MICALL2: variants seen among roughly 807,000 people sequenced by gnomAD.
MICALL2 encodes the protein MICAL like 2.
MICALL2 carries 111 observed loss-of-function variants against 91.1 expected under a neutral mutation model. That is an observed-to-expected ratio of 1.22 (90% CI 1.04 to 1.43). The LOEUF (loss-of-function observed/expected upper bound fraction) is 1.43. MICALL2 is among the 40% of genes most tolerant of loss of function. MICALL2 has a pLI of 0.00. For missense variants in MICALL2, 1,556 were observed against 1,236.0 expected (o/e 1.26, Z -3.88); for synonymous variants, 694 against 525.3 (o/e 1.32, Z -4.39).
chr7:1,434,837 C>T (rs1047338132), intron 16 of MICALL2, 165 bp from the exon 17 acceptor site: 1 of 785,400 alleles, frequency 1.3e-6, no homozygotes, highest in Non-Finnish European at 2.0e-6. Context: ...GAGAACCTGC[C>T]CCGACTGGGT....
Position 1,438,667 on chromosome 7 carries a change from G to A in MICALL2, c.2122+173C>T, listed in dbSNP as rs562614573. On this transcript the variant is annotated intron_variant, in intron 10 of 16. Coordinates refer to ENST00000297508, the MANE Select transcript of MICALL2 (RefSeq NM_182924.4). ...TAACAAGGTACTCTGAAACAGCTAG[G>A]GTCTCTATTCATGAGGGCGGGCCTG... 8.6e-5 allele frequency: 124 copies of A among 1,437,616 alleles called. 1 individual carries two copies. In the African/African-American group the frequency reaches 1.1e-3, roughly 13 times the overall value. The allele number at this position is 1,437,616 out of a possible 1,614,324, so 89.1% of individuals were successfully genotyped here.
At chr7:1,436,882 G>GC (rs762083026) in intron 14 of MICALL2, 26 bp from the exon 15 acceptor site, 1,334 of 1,491,842 alleles carry the variant, frequency 8.9e-4, no homozygotes, top group East Asian at 1.6e-3. Flanking sequence ...GTCAGCAGGA[G>GC]CCCCCCCCAC....
chr7:1,449,831 T>C (rs180764889), intron 2 of MICALL2, among the ~76,000 whole-genome samples: 1 of 152,354 alleles, frequency 6.6e-6, no homozygotes, highest in East Asian at 1.9e-4. Flanking sequence ...ACTGGAATCC[T>C]GGCAGGGCCG....
chr7:1,434,472 G>GC lies in MICALL2; in HGVS notation c.*123dup, dbSNP rs758644828. 1,138 of 844,542 alleles carry GC rather than the reference G, an allele frequency of 1.3e-3. 3 individuals are homozygous for GC. The highest frequency in any genetic ancestry group is 3.2e-3 in the Admixed American group (172 of 52,972). 52.3% of individuals were successfully genotyped at this position (844,542 alleles called of 1,614,324 possible). On this transcript the variant is annotated 3_prime_UTR_variant, in exon 17 of 17. Coordinates refer to ENST00000297508, the MANE Select transcript of MICALL2 (RefSeq NM_182924.4). ...GCCCTTCCCGAGTCCAAGTCCGAATGCCGGGTCCGGGCCGAGCCCACGGCC... is the reference window on the plus strand; with the variant it reads ...GCCCTTCCCGAGTCCAAGTCCGAATGCCCGGGTCCGGGCCGAGCCCACGGCC...
At position 1,445,283 on chromosome 7, in the gene MICALL2, T is replaced by C; in HGVS notation, c.787A>G (p.Met263Val). Reference sequence around the variant, plus strand: ...CAGGAGGTCCTGGAATCCACACCCATGGCCCCTGGCTGTCGGGGGACCAGA... The same window carrying C: ...CAGGAGGTCCTGGAATCCACACCCACGGCCCCTGGCTGTCGGGGGACCAGA... ...TGLVPRQPGA[M>V]GVDSRTSCSP... The change falls in exon 6 of 17, where the codon ATG (methionine) becomes GTG (valine). Residue 263 changes from methionine to valine, a missense_variant. Physicochemically the swap from Met to Val is conservative, Grantham distance 21. Coordinates refer to ENST00000297508, the MANE Select transcript of MICALL2 (RefSeq NM_182924.4). The C allele has an allele frequency of 5.0e-6, 8 of 1,612,388 alleles. No homozygotes were observed. Among genetic ancestry groups the C allele is most frequent in the Non-Finnish European group, 6.8e-6 (8 of 1,179,834 alleles).
intron 6 of MICALL2, among the ~76,000 whole-genome samples, chr7:1,442,948 A>T (rs1477447599): frequency 6.6e-6 from 1 of 152,010 alleles, no homozygotes; most frequent in Non-Finnish European, 1.5e-5. Context: ...CCCGCCAGAC[A>T]CACAGACACA....
In MICALL2 at chr7:1,445,069, C is replaced by T; in HGVS notation, c.1001G>A (p.Gly334Glu). The T allele has an allele frequency of 1.9e-6, 3 of 1,549,566 alleles. No homozygotes were observed. Among genetic ancestry groups the T allele is most frequent in the Non-Finnish European group, 2.6e-6 (3 of 1,147,142 alleles). The change falls in exon 6 of 17, where the codon GGG (glycine) becomes GAG (glutamate). Residue 334 changes from glycine to glutamate, a missense_variant. By Grantham distance (98) the Gly-to-Glu change is moderately conservative. Transcript: ENST00000297508. ...ESRLAPTPTEGKVRPRVTNSS... is the reference protein window; with the variant it reads ...ESRLAPTPTEEKVRPRVTNSS... ...ATTGGTCACACGAGGGCGGACTTTC[C>T]CCTCCGTGGGAGTGGGGGCCAGGCG...
At position 1,450,226 on chromosome 7, in the gene MICALL2, C is replaced by G; in HGVS notation, c.192+14G>C. On this transcript the variant is annotated intron_variant, in intron 2 of 16. Coordinates refer to ENST00000297508, the MANE Select transcript of MICALL2 (RefSeq NM_182924.4). ...GGCTAAGCCAGCTGTGAGGCCGGGGCGGGGGCCACTCACCAGTTTATTGTT... is the reference window on the plus strand; with the variant it reads ...GGCTAAGCCAGCTGTGAGGCCGGGGGGGGGGCCACTCACCAGTTTATTGTT... 1 of 1,610,740 alleles carries G rather than the reference C, an allele frequency of 6.2e-7. No homozygotes were observed. Among genetic ancestry groups the G allele is most frequent in the Non-Finnish European group, 8.5e-7 (1 of 1,178,710 alleles).
intron 2 of MICALL2, among the ~76,000 whole-genome samples, chr7:1,449,186 G>A (rs754008004): frequency 6.6e-6 from 1 of 152,368 alleles, no homozygotes; most frequent in South Asian, 2.1e-4. Flanking sequence ...GGTGAGGGCC[G>A]CTAGAGGCTG....
intron 15 of MICALL2, among the ~76,000 whole-genome samples, 184 bp downstream of exon 15, chr7:1,436,558 A>AAAAAAG (rs2128518714): frequency 6.6e-6 from 1 of 151,862 alleles, no homozygotes; most frequent in Non-Finnish European, 1.5e-5. Context: ...TCTCAAAAAA[A>AAAAAAG]AAAAAAAAAA....
Position 1,434,985 on chromosome 7 carries a change from G to GGCCCCC in MICALL2, c.2638+115_2638+116insGGGGGC. 12 of 255,660 alleles carry GGCCCCC rather than the reference G, an allele frequency of 4.7e-5. 1 individual carries two copies. Among genetic ancestry groups the GGCCCCC allele is most frequent in the South Asian group, 2.4e-4 (7 of 29,110 alleles). The allele number at this position is 255,660 out of a possible 1,614,324, so 15.8% of individuals were successfully genotyped here. On this transcript the variant is annotated intron_variant, in intron 16 of 16. Transcript: ENST00000297508. ...AGGCTGAGGGGGGGACCCGATACCCGCCCCCCCCCCACCCCCAGCTGGAGG... is the reference window on the plus strand; with the variant it reads ...AGGCTGAGGGGGGGACCCGATACCCGGCCCCCCCCCCCCCCCACCCCCAGCTGGAGG...
intron 15 of MICALL2, among the ~76,000 whole-genome samples, chr7:1,436,118 G>A (rs1045650636): frequency 6.6e-6 from 1 of 151,586 alleles, no homozygotes; most frequent in Non-Finnish European, 1.5e-5. Context: ...GGCCAGTTAC[G>A]GTGGCTCATG....
Position 1,438,215 on chromosome 7 carries a change from G to C in MICALL2, c.2193C>G (p.His731Gln). ...TCTCCTCCGGGGAGAGGTAGTCGGG[G>C]TGCAGCTGGGAACGGAGGGGCGGTG... is the stretch of plus-strand genomic sequence containing the variant. The part of the protein sequence containing the change: ...GETVTSPVRL[H>Q]PDYLSPEEIQ... Residue 731 changes from histidine to glutamine, a missense_variant, in exon 12 of 17, where the codon CAC (histidine) becomes CAG (glutamine). Coordinates refer to ENST00000297508, the MANE Select transcript of MICALL2 (RefSeq NM_182924.4). 2 of 1,586,792 alleles carry C rather than the reference G, an allele frequency of 1.3e-6. No individual in the cohort carries two copies. The highest frequency in any genetic ancestry group is 1.7e-4 in the Middle Eastern group (1 of 5,988).
At chr7:1,458,070 G>A (rs1236140744) in intron 1 of MICALL2, among the ~76,000 whole-genome samples, 1 of 152,258 alleles carries the variant, frequency 6.6e-6, no homozygotes, top group Non-Finnish European at 1.5e-5. Flanking sequence ...GAAGCCCCTG[G>A]TGGCTCCACG....
intron 1 of MICALL2, among the ~76,000 whole-genome samples, chr7:1,453,926 G>A (rs572302298): frequency 7.2e-5 from 11 of 152,252 alleles, no homozygotes; most frequent in East Asian, 1.9e-4. Context: ...TGAATTTGCC[G>A]TCTGTGTGTC....
At chr7:1,445,737 GACAC>G (rs1478407378) in intron 5 of MICALL2, among the ~76,000 whole-genome samples, 4 of 152,286 alleles carry the variant, frequency 2.6e-5, no homozygotes, top group South Asian at 4.1e-4. Context: ...CAGGTCAGCA[GACAC>G]ACACCCACAG....
Position 1,434,468 on chromosome 7 carries a change from G to C in MICALL2, c.*128C>G, listed in dbSNP as rs542118740. Reference sequence around the variant, plus strand: ...GGAGGCCCTTCCCGAGTCCAAGTCCGAATGCCGGGTCCGGGCCGAGCCCAC... The same window carrying C: ...GGAGGCCCTTCCCGAGTCCAAGTCCCAATGCCGGGTCCGGGCCGAGCCCAC... On this transcript the variant is annotated 3_prime_UTR_variant, in exon 17 of 17. Transcript: ENST00000297508. 2.3e-5 allele frequency: 19 copies of C among 826,820 alleles called. No individual in the cohort carries two copies. The highest frequency in any genetic ancestry group is 3.7e-5 in the Non-Finnish European group (18 of 483,946). 51.2% of individuals were successfully genotyped at this position (826,820 alleles called of 1,614,324 possible). A position where few individuals can be genotyped will look rare whatever the true frequency, so the allele number is the denominator to read the frequency against.
intron 1 of MICALL2, among the ~76,000 whole-genome samples, chr7:1,455,039 T>C (rs1273040409): frequency 6.6e-6 from 1 of 152,000 alleles, no homozygotes; most frequent in Admixed American, 6.6e-5. Flanking sequence ...ATCCGACAAA[T>C]GCCCCCAGCC....
chr7:1,448,690 C>T lies in MICALL2; in HGVS notation c.264G>A (p.Lys88=). 1 of 1,612,792 alleles carries T rather than the reference C, an allele frequency of 6.2e-7. No individual in the cohort carries two copies. Among genetic ancestry groups the T allele is most frequent in the Non-Finnish European group, 8.5e-7 (1 of 1,179,928 alleles). ...TCAAGATGCTCAGCCGGTCAGGCACCTTCAAGGCCACCATGTCCTCGGCAT... is the reference window on the plus strand; with the variant it reads ...TCAAGATGCTCAGCCGGTCAGGCACTTTCAAGGCCACCATGTCCTCGGCAT... ...LLDAEDMVAL[K]VPDRLSILTY... is the part of the protein sequence containing the mutation. Residue 88 remains lysine, a synonymous_variant, in exon 3 of 17, where the codon AAG becomes AAA. Transcript: ENST00000297508.
Sources: gnomAD v4.1 joint callset for allele counts (sites outside exome capture counted in the v4.1 genomes callset) on GRCh38, gnomAD v4.1.1 for gene constraint, MANE v1.5 for transcripts, NCBI Gene and HGNC (gene_info 2026-07-23, HGNC 2026-07-21) for gene names.